COL24A1: variants seen among roughly 807,000 people sequenced by gnomAD.
COL24A1 encodes the protein collagen type XXIV alpha 1 chain, also known as collagen alpha-1(XXIV) chain.
Under a neutral mutation model 253.9 loss-of-function variants are expected in COL24A1, and 224 were observed. The observed-to-expected ratio is 0.88, with a 90% CI of 0.79 to 0.99. The LOEUF is 0.99. Among genes scored for constraint, COL24A1 ranks in the 50% least tolerant of loss-of-function variants. The pLI, the probability that COL24A1 is intolerant of heterozygous loss-of-function variation, is 0.00. For synonymous variants in COL24A1, 685 were observed against 673.7 expected (o/e 1.02, Z -0.26); for missense variants, 2,131 against 2,068.5 (o/e 1.03, Z -0.59).
chr1:85,806,230 C>T (rs978554381), intron 47 of COL24A1, among the ~76,000 whole-genome samples: 1 of 152,034 alleles, frequency 6.6e-6, no homozygotes, highest in African/African-American at 2.4e-5. Flanking sequence ...TTTAGAGAAA[C>T]TCAACAAACT....
chr1:85,850,046 AG>A (rs1677585375), intron 37 of COL24A1, among the ~76,000 whole-genome samples: 1 of 152,144 alleles, frequency 6.6e-6, no homozygotes, highest in African/African-American at 2.4e-5. Context: ...AGAGAGAAAA[AG>A]GAGGTAATCA....
intron 7 of COL24A1, among the ~76,000 whole-genome samples, chr1:86,069,570 T>C (rs774382463): frequency 3.9e-5 from 6 of 152,012 alleles, no homozygotes; most frequent in Non-Finnish European, 8.8e-5. Flanking sequence ...TGAGGCCCAG[T>C]AGCTCATGTC....
intron 53 of COL24A1, among the ~76,000 whole-genome samples, chr1:85,764,278 A>G (rs916227977): frequency 3.9e-5 from 6 of 152,090 alleles, no homozygotes; most frequent in African/African-American, 1.4e-4. Flanking sequence ...CCTGGTTGAG[A>G]TTCATTGGTT....
chr1:85,948,052 A>G (rs1689501601), intron 24 of COL24A1, among the ~76,000 whole-genome samples: 1 of 152,144 alleles, frequency 6.6e-6, no homozygotes, highest in African/African-American at 2.4e-5. Context: ...CAATTACTCC[A>G]TGAAGTCTCA....
intron 35 of COL24A1, among the ~76,000 whole-genome samples, chr1:85,871,884 A>G (rs1048479350): frequency 5.3e-5 from 8 of 152,200 alleles, no homozygotes; most frequent in African/African-American, 1.4e-4. Flanking sequence ...AGGGTATTCA[A>G]TTAGGAAAAG....
Position 86,022,993 on chromosome 1 carries a change from A to C in COL24A1, c.2064T>G (p.Pro688=), listed in dbSNP as rs1337866007. Residue 688 remains proline, a synonymous_variant, in exon 15 of 60, where the codon CCT becomes CCG. Transcript: ENST00000370571. ...GFPGLRGSVG[P]VGPIGPAGIP... ...TTCCAGCAGGTCCAATTGGTCCCAC[A>C]GGGCCAACACTGCCCTGGAAAACAG... is the stretch of plus-strand genomic sequence containing the variant. 6.2e-7 allele frequency: 1 copy of C among 1,612,990 alleles called. No individual in the cohort carries two copies.
At chr1:85,859,850 G>A (rs1678933107) in intron 37 of COL24A1, among the ~76,000 whole-genome samples, 1 of 152,048 alleles carries the variant, frequency 6.6e-6, no homozygotes, top group African/African-American at 2.4e-5. Context: ...TATTTTTTTG[G>A]TGTGTGCCTA....
chr1:86,034,130 T>C (rs967057244), intron 12 of COL24A1, among the ~76,000 whole-genome samples: 1 of 152,142 alleles, frequency 6.6e-6, no homozygotes, highest in African/African-American at 2.4e-5. Context: ...TTCTATATGT[T>C]ATAAAAATTA....
chr1:86,105,528 C>T (rs1040171322), intron 5 of COL24A1, among the ~76,000 whole-genome samples: 1 of 152,166 alleles, frequency 6.6e-6, no homozygotes, highest in Admixed American at 6.5e-5. Flanking sequence ...AAGGAAAGCT[C>T]AGATCAGACC....
Position 86,040,957 on chromosome 1 carries a change from A to G in COL24A1, c.1950+5868T>C, listed in dbSNP as rs186637667. 2.3e-3 allele frequency among the ~76,000 whole-genome samples: 352 copies of G among 152,288 alleles called. 12 individuals are homozygous for G. The highest frequency in any genetic ancestry group is 0.023 in the Admixed American group (348 of 15,282). On this transcript the variant is annotated intron_variant, in intron 12 of 59. Coordinates refer to ENST00000370571, the MANE Select transcript of COL24A1 (RefSeq NM_152890.7). Reference sequence around the variant, plus strand: ...TGCTACTATGCAATATGTATTTAAGACTGTCTTGGGCTAAAGATAAAAACT... The same window carrying G: ...TGCTACTATGCAATATGTATTTAAGGCTGTCTTGGGCTAAAGATAAAAACT...
chr1:86,102,794 T>A (rs1452140406), intron 5 of COL24A1, among the ~76,000 whole-genome samples: 1 of 152,218 alleles, frequency 6.6e-6, no homozygotes, highest in Non-Finnish European at 1.5e-5. Flanking sequence ...TTGTTTTACA[T>A]CCGATTGTGT....
intron 23 of COL24A1, among the ~76,000 whole-genome samples, chr1:85,963,903 T>C (rs1691314426): frequency 6.6e-6 from 1 of 151,862 alleles, no homozygotes; most frequent in African/African-American, 2.4e-5. Flanking sequence ...GGAGAATTGA[T>C]TAAGCCTTTT....
rs577859886 is a variant in COL24A1 at position 85,883,458 on chromosome 1, C to T, written c.2976+6102G>A. Among the ~76,000 whole-genome samples, 3 of 152,064 alleles carry T rather than the reference C, an allele frequency of 2.0e-5. No individual in the cohort carries two copies. In the South Asian group the frequency reaches 6.3e-4, roughly 32 times the overall value. On this transcript the variant is annotated intron_variant, in intron 32 of 59. Coordinates refer to ENST00000370571, the MANE Select transcript of COL24A1 (RefSeq NM_152890.7). Reference sequence around the variant, plus strand: ...CTGGTCTCAAACTCCTGACCACAAGCAATCTACCTGCCTCGGCCTCCTAAA... The same window carrying T: ...CTGGTCTCAAACTCCTGACCACAAGTAATCTACCTGCCTCGGCCTCCTAAA...
intron 37 of COL24A1, 94 bp from the exon 38 acceptor site, chr1:85,849,500 T>C (rs920633314): frequency 2.1e-6 from 2 of 962,002 alleles, no homozygotes; most frequent in Non-Finnish European, 1.6e-6. Flanking sequence ...CTGGATTGGA[T>C]TGGACGAGAA....
chr1:85,852,334 A>G (rs1398715789), intron 37 of COL24A1, among the ~76,000 whole-genome samples: 1 of 152,150 alleles, frequency 6.6e-6, no homozygotes, highest in African/African-American at 2.4e-5. Flanking sequence ...GCACTAACTA[A>G]CTTAATTACT....
intron 8 of COL24A1, among the ~76,000 whole-genome samples, chr1:86,059,588 A>G (rs946518822): frequency 5.3e-5 from 8 of 152,178 alleles, no homozygotes; most frequent in African/African-American, 1.9e-4. Flanking sequence ...AGTAAACCAC[A>G]AAACCAACCT....
chr1:85,841,332 A>G, intron 41 of COL24A1, 54 bp from the exon 42 acceptor site: 1 of 1,215,022 alleles, frequency 8.2e-7, no homozygotes, highest in Non-Finnish European at 1.2e-6. Context: ...ATAAACATCA[A>G]AAACACACAA....
At chr1:85,731,094 C>T (rs2100774095) in intron 59 of COL24A1, among the ~76,000 whole-genome samples, 1 of 152,326 alleles carries the variant, frequency 6.6e-6, no homozygotes. Context: ...CTATTTCAAC[C>T]TCTGTATTTT....
chr1:85,987,143 T>C (rs960228014), intron 20 of COL24A1, among the ~76,000 whole-genome samples: 3 of 151,834 alleles, frequency 2.0e-5, no homozygotes, highest in African/African-American at 7.2e-5. Flanking sequence ...GGTAATAAGC[T>C]AATAATTGTG....
Sources: allele counts gnomAD v4.1 joint callset (sites outside exome capture counted in the v4.1 genomes callset), GRCh38; gene constraint gnomAD v4.1.1; transcripts MANE v1.5; gene names NCBI Gene and HGNC (gene_info 2026-07-23, HGNC 2026-07-21).